Variants in AFF2 observed in about 807,000 individuals in gnomAD.
AFF2 encodes ALF transcription elongation factor 2.
Under a neutral mutation model 76.9 loss-of-function variants are expected in AFF2, and 14 were observed. The ratio of observed to expected loss-of-function variants is 0.18; its 90% CI spans 0.12 to 0.28. AFF2 has a LOEUF of 0.28. AFF2 is among the 10% of genes least tolerant of loss of function. AFF2 has a pLI of 1.00. For synonymous variants in AFF2, 398 were observed against 366.7 expected, an observed-to-expected ratio of 1.09 and a Z score of -0.98; for missense variants, 868 against 1,001.1, an observed-to-expected ratio of 0.87 and a Z score of 1.79.
intron 7 of AFF2, among the ~76,000 whole-genome samples, chrX:148,849,378 C>A (rs968522563): frequency 4.9e-5 from 2 of 41,099 alleles, no homozygotes; most frequent in African/African-American, 1.2e-4. Context: ...CCCCCCCCCC[C>A]CCCCCCCCGC....
intron 3 of AFF2, among the ~76,000 whole-genome samples, chrX:148,677,148 A>G (rs1029786153): frequency 4.5e-5 from 5 of 110,890 alleles, no homozygotes; most frequent in Non-Finnish European, 7.5e-5. Flanking sequence ...TGGGCCATTG[A>G]AAGGAAGCCC....
chrX:148,875,000 A>G (rs782598807), intron 7 of AFF2, among the ~76,000 whole-genome samples: 1 of 112,075 alleles, frequency 8.9e-6, no homozygotes, highest in Non-Finnish European at 1.9e-5. Context: ...ATATCATGCA[A>G]CTCATTTAAC....
Position 148,671,142 on chromosome X carries a change from G to C in AFF2, c.1041+8374G>C, listed in dbSNP as rs368623109. Among the ~76,000 whole-genome samples the C allele has an allele frequency of 2.7e-5, 3 of 111,386 alleles. No individual in the cohort carries two copies. The East Asian group carries it at 8.4e-4, about 31-fold the overall frequency. ...ATTTGGTTTCAGTGCATCTTTCTTG[G>C]TGCACTTTGCTTTTAAAGCCTTTGT... On this transcript the variant is annotated intron_variant, in intron 3 of 20. Coordinates refer to ENST00000370460, the MANE Select transcript of AFF2 (RefSeq NM_002025.4).
rs960789260 is a variant in AFF2, at chrX:148,999,627, T to C, written c.*8295T>C. 2.3e-4 allele frequency: 25 copies of C among 110,638 alleles called. No homozygotes were observed. The highest frequency in any genetic ancestry group is 8.5e-4 in the African/African-American group (25 of 29,567). The allele number at this position is 110,638 out of a possible 1,213,427, so 9.1% of individuals were successfully genotyped here. A position where few individuals can be genotyped will look rare whatever the true frequency, so the allele number is the denominator to read the frequency against. On this transcript the variant is annotated 3_prime_UTR_variant, in exon 21 of 21. Coordinates refer to ENST00000370460, the MANE Select transcript of AFF2 (RefSeq NM_002025.4). ...GCGCGCACACACGTGCGTGTGTGTG[T>C]CCCTGCATGTGCAACATGTCTAGCT...
At chrX:148,637,533 T>C (rs1043240275) in intron 1 of AFF2, among the ~76,000 whole-genome samples, 9 of 112,043 alleles carry the variant, frequency 8.0e-5, no homozygotes, top group Non-Finnish European at 1.5e-4. Flanking sequence ...TGCTGACCAA[T>C]AGAAATATAA....
intron 3 of AFF2, among the ~76,000 whole-genome samples, chrX:148,762,508 G>GTGTGTGTGTATA (rs782356186): frequency 9.4e-6 from 1 of 106,405 alleles, no homozygotes; most frequent in African/African-American, 3.6e-5. Context: ...GTGTGTGTGT[G>GTGTGTGTGTATA]TATATAACAT....
At chrX:148,528,090 A>T (rs2052685325) in intron 1 of AFF2, among the ~76,000 whole-genome samples, 4 of 112,308 alleles carry the variant, frequency 3.6e-5, no homozygotes, top group Admixed American at 9.5e-5. Context: ...TCATATGCTT[A>T]GAGTAGCCTA....
chrX:148,859,011 G>A (rs1224016614), intron 7 of AFF2, among the ~76,000 whole-genome samples: 1 of 106,108 alleles, frequency 9.4e-6, no homozygotes, highest in African/African-American at 3.4e-5. Context: ...ACTACAATAC[G>A]CTTTAACAAA....
At chrX:148,676,901 G>A (rs1385465272) in intron 3 of AFF2, among the ~76,000 whole-genome samples, 1 of 110,943 alleles carries the variant, frequency 9.0e-6, no homozygotes, top group Non-Finnish European at 1.9e-5. Context: ...TCATTAAAAG[G>A]TAAAGGGCAT....
At chrX:148,973,282 T>C (rs1489207711) in intron 15 of AFF2, among the ~76,000 whole-genome samples, 189 bp from the exon 16 acceptor site, 3 of 111,929 alleles carry the variant, frequency 2.7e-5, no homozygotes, top group Non-Finnish European at 5.6e-5. Flanking sequence ...TGCAGAAGTT[T>C]ATAAGCATTT....
intron 7 of AFF2, among the ~76,000 whole-genome samples, chrX:148,867,675 G>A (rs1557276955): frequency 8.9e-6 from 1 of 111,982 alleles, no homozygotes; most frequent in Non-Finnish European, 1.9e-5. Context: ...CTTCTTATGT[G>A]TTCAGATACT....
intron 1 of AFF2, among the ~76,000 whole-genome samples, chrX:148,597,162 A>T (rs1292232938): frequency 9.0e-6 from 1 of 111,616 alleles, no homozygotes; most frequent in Non-Finnish European, 1.9e-5. Context: ...GCCTTGCAAC[A>T]AAGAGGAGAA....
At chrX:148,986,491 T>C (rs2072473996) in intron 19 of AFF2, among the ~76,000 whole-genome samples, 1 of 112,822 alleles carries the variant, frequency 8.9e-6, no homozygotes, top group South Asian at 3.7e-4. Context: ...AATGTGTGTC[T>C]AAACACTGGT....
intron 4 of AFF2, among the ~76,000 whole-genome samples, chrX:148,829,979 C>T (rs2070433824): frequency 8.9e-6 from 1 of 112,192 alleles, no homozygotes; most frequent in Non-Finnish European, 1.9e-5. Flanking sequence ...TCCTCACTCT[C>T]CCTTTTCTGT....
chrX:148,787,579 T>C (rs1302043781), intron 3 of AFF2, among the ~76,000 whole-genome samples: 2 of 112,205 alleles, frequency 1.8e-5, no homozygotes, highest in African/African-American at 6.5e-5. Flanking sequence ...AAAGTTCACA[T>C]TGACATTGTT....
chrX:148,501,730 C>T (rs1343460488), intron 1 of AFF2, among the ~76,000 whole-genome samples: 2 of 113,547 alleles, frequency 1.8e-5, no homozygotes, highest in Non-Finnish European at 3.7e-5. Flanking sequence ...GGGGCCACCA[C>T]TCAGGGGACC....
Position 148,834,617 on chromosome X carries a change from T to C in AFF2, c.1087-3030T>C, listed in dbSNP as rs782119986. Among the ~76,000 whole-genome samples, 109 of 110,626 alleles carry C rather than the reference T, an allele frequency of 9.9e-4. 1 individual carries two copies. The highest frequency in any genetic ancestry group is 3.6e-3 in the African/African-American group (108 of 30,390). On this transcript the variant is annotated intron_variant, in intron 4 of 20. Transcript: ENST00000370460. Reference sequence around the variant, plus strand: ...TGTACAGGTACTCATCATTGGATCCTGTTATAAAGCTGTGGCAACATTTTG... The same window carrying C: ...TGTACAGGTACTCATCATTGGATCCCGTTATAAAGCTGTGGCAACATTTTG...
At chrX:148,636,908 A>G (rs1395126991) in intron 1 of AFF2, among the ~76,000 whole-genome samples, 1 of 112,065 alleles carries the variant, frequency 8.9e-6, no homozygotes, top group African/African-American at 3.2e-5. Flanking sequence ...TAGTCTTTTT[A>G]GCTTTTGTGC....
chrX:148,614,310 GAA>G (rs1272286632), intron 1 of AFF2, among the ~76,000 whole-genome samples: 1 of 111,880 alleles, frequency 8.9e-6, no homozygotes, highest in Non-Finnish European at 1.9e-5. Flanking sequence ...GTTGTAGGTG[GAA>G]AGCTGAATTG....
Sources: gnomAD v4.1 joint callset for allele counts (sites outside exome capture counted in the v4.1 genomes callset) on GRCh38, gnomAD v4.1.1 for gene constraint, MANE v1.5 for transcripts, NCBI Gene and HGNC (gene_info 2026-07-23, HGNC 2026-07-21) for gene names.